CSMD1: variants seen among roughly 807,000 people sequenced by gnomAD.
CSMD1 encodes CUB and Sushi multiple domains 1.
CSMD1 carries 213 observed loss-of-function variants against 417.5 expected under a neutral mutation model. The observed-to-expected ratio is 0.51, with a 90% CI of 0.46 to 0.57. The LOEUF is 0.57. CSMD1 is among the 20% of genes least tolerant of loss of function. CSMD1 has a pLI of 0.00. For synonymous variants in CSMD1, 2,862 were observed against 1,736.8 expected, an observed-to-expected ratio of 1.65 and a Z score of -16.11; for missense variants, 6,923 against 4,529.7, an observed-to-expected ratio of 1.53 and a Z score of -15.17.
chr8:4,241,501 G>T (rs1028476679), intron 3 of CSMD1, among the ~76,000 whole-genome samples: 1 of 152,180 alleles, frequency 6.6e-6, no homozygotes, highest in Admixed American at 6.5e-5. Flanking sequence ...GTCTTTGAAT[G>T]TCTGTGCCCC....
intron 5 of CSMD1, among the ~76,000 whole-genome samples, chr8:3,758,858 G>A (rs974875508): frequency 6.6e-6 from 1 of 152,070 alleles, no homozygotes; most frequent in Non-Finnish European, 1.5e-5. Flanking sequence ...TTATTGAGTG[G>A]GCCCAATGTA....
chr8:3,802,909 C>T (rs910135175), intron 5 of CSMD1, among the ~76,000 whole-genome samples: 2 of 152,144 alleles, frequency 1.3e-5, no homozygotes, highest in East Asian at 3.9e-4. Context: ...CAAAGGAAAA[C>T]AGGAATTTTG....
intron 1 of CSMD1, among the ~76,000 whole-genome samples, chr8:4,866,256 T>C (rs977174420): frequency 6.6e-6 from 1 of 151,942 alleles, no homozygotes; most frequent in African/African-American, 2.4e-5. Flanking sequence ...TCACATTAAA[T>C]CTCTTCACTT....
At chr8:3,184,083 G>A (rs1342800859) in intron 36 of CSMD1, among the ~76,000 whole-genome samples, 3 of 152,098 alleles carry the variant, frequency 2.0e-5, no homozygotes, top group Admixed American at 1.3e-4. Flanking sequence ...CAAAGACCCT[G>A]CATGATCTGA....
At chr8:4,532,768 C>T (rs893750536) in intron 2 of CSMD1, among the ~76,000 whole-genome samples, 7 of 146,758 alleles carry the variant, frequency 4.8e-5, no homozygotes, top group South Asian at 2.2e-4. Flanking sequence ...TCAGTCACTC[C>T]GGAAGAGAAA....
In CSMD1 at chr8:4,805,041, T is replaced by G. The variant is rs116148826; in HGVS notation, c.86-167483A>C. On this transcript the variant is annotated intron_variant, in intron 1 of 69. Coordinates refer to ENST00000635120, the MANE Select transcript of CSMD1 (RefSeq NM_033225.6). ...GTAGAATTATACAGAAAACAAACTTTGTAATGGAGCAGCTCCAATTTGGAG... is the reference window on the plus strand; with the variant it reads ...GTAGAATTATACAGAAAACAAACTTGGTAATGGAGCAGCTCCAATTTGGAG... Among the ~76,000 whole-genome samples, 595 of 152,294 alleles carry G rather than the reference T, an allele frequency of 3.9e-3. 7 individuals are homozygous for G. The highest frequency in any genetic ancestry group is 0.013 in the African/African-American group (549 of 41,568).
chr8:3,170,888 G>C (rs1403603206), intron 37 of CSMD1, among the ~76,000 whole-genome samples: 1 of 152,180 alleles, frequency 6.6e-6, no homozygotes, highest in East Asian at 1.9e-4. Flanking sequence ...AAAGAAACGA[G>C]TCAACACACT....
At chr8:4,794,537 T>C (rs925767338) in intron 1 of CSMD1, among the ~76,000 whole-genome samples, 1 of 152,104 alleles carries the variant, frequency 6.6e-6, no homozygotes, top group Non-Finnish European at 1.5e-5. Context: ...TGCCTGACTC[T>C]CCCTCCCCCA....
At chr8:4,914,015 G>A (rs989131334) in intron 1 of CSMD1, among the ~76,000 whole-genome samples, 1 of 152,286 alleles carries the variant, frequency 6.6e-6, no homozygotes, top group Non-Finnish European at 1.5e-5. Flanking sequence ...AAGGTGTGAT[G>A]CTGCAGTTTC....
At chr8:4,432,781 G>C (rs1039669427) in intron 2 of CSMD1, among the ~76,000 whole-genome samples, 9 of 152,180 alleles carry the variant, frequency 5.9e-5, no homozygotes, top group African/African-American at 2.2e-4. Context: ...ATGAAGCCAA[G>C]CAGTAATTTT....
At chr8:3,042,574 T>C (rs577321103) in intron 50 of CSMD1, among the ~76,000 whole-genome samples, 1 of 152,136 alleles carries the variant, frequency 6.6e-6, no homozygotes, top group Non-Finnish European at 1.5e-5. Flanking sequence ...TAGTTCCACA[T>C]GGGTAACCCT....
At chr8:4,710,067 T>C (rs1808192111) in intron 1 of CSMD1, among the ~76,000 whole-genome samples, 1 of 152,024 alleles carries the variant, frequency 6.6e-6, no homozygotes, top group Non-Finnish European at 1.5e-5. Context: ...ATTTGGAAAA[T>C]CTGGGGCAAG....
intron 5 of CSMD1, among the ~76,000 whole-genome samples, chr8:3,775,682 C>A (rs570728010): frequency 2.6e-5 from 4 of 152,196 alleles, no homozygotes; most frequent in African/African-American, 7.2e-5. Flanking sequence ...AACACAGTCA[C>A]TGAAATAAGT....
chr8:3,201,800 T>C lies in CSMD1; in HGVS notation c.4985-75A>G, dbSNP rs529216812. 79 of 751,094 alleles carry C rather than the reference T, an allele frequency of 1.1e-4. No homozygotes were observed. In the African/African-American group the frequency reaches 1.2e-3, roughly 12 times the overall value. 46.5% of individuals were successfully genotyped at this position (751,094 alleles called of 1,614,324 possible). A position where few individuals can be genotyped will look rare whatever the true frequency, so the allele number is the denominator to read the frequency against. On this transcript the variant is annotated intron_variant, in intron 31 of 69. Transcript: ENST00000635120. ...AATGGAGATTTTTGATTTCACTGAA[T>C]ATCTATTAATTGCCCCAATGGATCA...
In CSMD1 at chr8:4,427,526, C is replaced by G. The variant is rs187415696; in HGVS notation, c.303-7461G>C. On this transcript the variant is annotated intron_variant, in intron 2 of 69. Transcript: ENST00000635120. ...ACACACACACACATGCACACTCAAA[C>G]ACACACAGTGAATCATGTGAGTATA... 4.6e-3 allele frequency among the ~76,000 whole-genome samples: 698 copies of G among 152,150 alleles called. 1 individual carries two copies. Among genetic ancestry groups the G allele is most frequent in the Middle Eastern group, 0.01 (3 of 294 alleles).
intron 3 of CSMD1, among the ~76,000 whole-genome samples, chr8:4,248,012 T>A (rs1486240583): frequency 6.6e-6 from 1 of 152,186 alleles, no homozygotes; most frequent in Non-Finnish European, 1.5e-5. Flanking sequence ...TCCATAATTG[T>A]ATATAGATTT....
chr8:4,914,644 G>C (rs989999831), intron 1 of CSMD1, among the ~76,000 whole-genome samples: 13 of 151,458 alleles, frequency 8.6e-5, no homozygotes, highest in African/African-American at 2.7e-4. Context: ...ACTTCTGCAA[G>C]TTTTGTAGCA....
intron 3 of CSMD1, among the ~76,000 whole-genome samples, chr8:4,402,231 G>A (rs1364495643): frequency 7.9e-5 from 12 of 151,994 alleles, no homozygotes; most frequent in Non-Finnish European, 1.3e-4. Flanking sequence ...TGTTTTGGGG[G>A]CTCATTCCCT....
chr8:4,118,718 T>C (rs909510736), intron 3 of CSMD1, among the ~76,000 whole-genome samples: 4 of 152,190 alleles, frequency 2.6e-5, no homozygotes, highest in African/African-American at 7.2e-5. Context: ...GAAATACCAT[T>C]TGACCCAGCA....
Sources: allele counts gnomAD v4.1 joint callset (sites outside exome capture counted in the v4.1 genomes callset), GRCh38; gene constraint gnomAD v4.1.1; transcripts MANE v1.5; gene names NCBI Gene and HGNC (gene_info 2026-07-23, HGNC 2026-07-21).